Variants in ANO3 observed in about 807,000 individuals in gnomAD.
ANO3 encodes anoctamin 3.
A neutral mutation model predicts 144.8 loss-of-function variants in ANO3; 99 were observed. The ratio of observed to expected loss-of-function variants is 0.68; its 90% CI spans 0.58 to 0.81. The LOEUF is 0.81. Ranked by LOEUF, ANO3 falls within the 30% of genes least tolerant of loss-of-function variation. The pLI, the probability that ANO3 is intolerant of heterozygous loss-of-function variation, is 0.00. For synonymous variants in ANO3, 414 were observed against 392.6 expected (o/e 1.05, Z -0.64); for missense variants, 905 against 1,202.2 (o/e 0.75, Z 3.66).
chr11:26,267,312 T>C (rs78156044), intron 1 of ANO3, among the ~76,000 whole-genome samples: 2,980 of 152,212 alleles, frequency 0.02, 56 homozygotes, highest in East Asian at 0.12. Flanking sequence ...AGAGTGTTTG[T>C]GACGATTCCC....
At chr11:26,194,230 A>C (rs918988718) in intron 1 of ANO3, among the ~76,000 whole-genome samples, 2 of 152,170 alleles carry the variant, frequency 1.3e-5, no homozygotes, top group Non-Finnish European at 2.9e-5. Flanking sequence ...CCTATGTAGT[A>C]CAAACTGAGC....
intron 1 of ANO3, among the ~76,000 whole-genome samples, chr11:26,386,265 A>C (rs1393717649): frequency 6.6e-6 from 1 of 152,030 alleles, no homozygotes; most frequent in Non-Finnish European, 1.5e-5. Flanking sequence ...ATATCATATG[A>C]CTCCATATTT....
chr11:26,400,085 T>C (rs1857109971), intron 1 of ANO3, among the ~76,000 whole-genome samples: 1 of 151,892 alleles, frequency 6.6e-6, no homozygotes, highest in Admixed American at 6.6e-5. Context: ...AGTGTAATAA[T>C]TGTACAAAGC....
chr11:26,325,234 G>A (rs374374635), intron 1 of ANO3, among the ~76,000 whole-genome samples: 131 of 152,186 alleles, frequency 8.6e-4, no homozygotes, highest in African/African-American at 5.1e-4. Flanking sequence ...ACAAAGATGC[G>A]CAGGGTATTT....
At chr11:26,523,268 G>A (rs1215229258) in intron 6 of ANO3, among the ~76,000 whole-genome samples, 1 of 152,182 alleles carries the variant, frequency 6.6e-6, no homozygotes, top group Non-Finnish European at 1.5e-5. Flanking sequence ...AGATTTGGGT[G>A]GAAACACAAA....
chr11:26,243,038 T>A (rs2133812463), intron 1 of ANO3, among the ~76,000 whole-genome samples: 1 of 152,284 alleles, frequency 6.6e-6, no homozygotes, highest in Non-Finnish European at 1.5e-5. Flanking sequence ...ATTTCCTAGG[T>A]CTTGGTAAGG....
At chr11:26,422,847 A>G (rs1379515269) in intron 1 of ANO3, among the ~76,000 whole-genome samples, 3 of 152,012 alleles carry the variant, frequency 2.0e-5, no homozygotes, top group Non-Finnish European at 4.4e-5. Context: ...TTGATGAGAA[A>G]TGTTGAAAAG....
At chr11:26,292,257 C>T (rs1365984356) in intron 1 of ANO3, among the ~76,000 whole-genome samples, 1 of 152,134 alleles carries the variant, frequency 6.6e-6, no homozygotes, top group East Asian at 1.9e-4. Context: ...TTTTCAGCTC[C>T]ATCAGGTCAT....
chr11:26,228,484 T>C (rs960181815), intron 1 of ANO3, among the ~76,000 whole-genome samples: 1 of 152,202 alleles, frequency 6.6e-6, no homozygotes, highest in African/African-American at 2.4e-5. Flanking sequence ...CAAGATAAGT[T>C]TTATGGTATG....
intron 1 of ANO3, among the ~76,000 whole-genome samples, chr11:26,314,182 A>G (rs1590253699): frequency 6.6e-6 from 1 of 152,270 alleles, no homozygotes; most frequent in East Asian, 1.9e-4. Flanking sequence ...TCCGTCTTAT[A>G]AGACAGCTGA....
chr11:26,477,672 T>C (rs1384971324), intron 4 of ANO3, among the ~76,000 whole-genome samples: 1 of 152,090 alleles, frequency 6.6e-6, no homozygotes, highest in Non-Finnish European at 1.5e-5. Context: ...GGCTGACTCA[T>C]AACAGGAACT....
Position 26,315,686 on chromosome 11 carries a change from C to CTATCT in ANO3, c.-3+5967_-3+5968insTATCT, listed in dbSNP as rs1564961787. The stretch of plus-strand genomic sequence containing the variant: ...CTATCTATCTATCTATCTATCTATC[C>CTATCT]ATCTATCTATCTATCTATCTATCTA... On this transcript the variant is annotated intron_variant, in intron 1 of 26. Transcript: ENST00000525139. Among the ~76,000 whole-genome samples the CTATCT allele has an allele frequency of 4.3e-3, 469 of 108,332 alleles. 3 individuals are homozygous for CTATCT. The highest frequency in any genetic ancestry group is 0.013 in the African/African-American group (437 of 34,836). The allele number at this position is 108,332 out of a possible 152,430, so 71.1% of individuals were successfully genotyped here. A position where few individuals can be genotyped will look rare whatever the true frequency, so the allele number is the denominator to read the frequency against.
chr11:26,298,847 T>C (rs535630246), intron 1 of ANO3, among the ~76,000 whole-genome samples: 1 of 152,254 alleles, frequency 6.6e-6, no homozygotes, highest in East Asian at 1.9e-4. Context: ...GGCCCCAAGC[T>C]TTTCTCCATC....
chr11:26,656,408 C>T lies in ANO3; in HGVS notation c.2690C>T (p.Ser897Phe), dbSNP rs1332229932. The T allele has an allele frequency of 6.2e-7, 1 of 1,611,060 alleles. No individual in the cohort carries two copies. The highest frequency in any genetic ancestry group is 1.6e-4 in the Middle Eastern group (1 of 6,074). ...YRDYRGPPWSSKPYEFTLQYW... is the reference protein window; with the variant it reads ...YRDYRGPPWSFKPYEFTLQYW... ...GACTACAGAGGCCCGCCCTGGAGTT[C>T]CAAACCCTATGAGTTTACTTTACAA... The change falls in exon 26 of 27, where the codon TCC becomes TTC. Residue 897 changes from serine to phenylalanine, a missense_variant. Physicochemically the swap from Ser to Phe is radical, Grantham distance 155. This residue lies in a region of ANO3 where 597 missense variants were observed against 865.1 expected (regional missense o/e 0.69). Transcript: ENST00000256737.
chr11:26,393,393 C>T (rs1856930136), intron 1 of ANO3, among the ~76,000 whole-genome samples: 1 of 152,016 alleles, frequency 6.6e-6, no homozygotes, highest in Non-Finnish European at 1.5e-5. Context: ...AACACTGCAG[C>T]ATGCCCTCTA....
chr11:26,592,932 C>G (rs1851494429), intron 14 of ANO3, among the ~76,000 whole-genome samples: 1 of 151,996 alleles, frequency 6.6e-6, no homozygotes, highest in African/African-American at 2.4e-5. Context: ...GCTTGGTTTC[C>G]CGGAGGGGAT....
intron 1 of ANO3, among the ~76,000 whole-genome samples, chr11:26,259,023 A>G (rs1853121999): frequency 6.6e-6 from 1 of 152,224 alleles, no homozygotes; most frequent in Non-Finnish European, 1.5e-5. Context: ...GCTGACTAAA[A>G]TTAAACAATG....
At chr11:26,235,659 T>C (rs1852505232) in intron 1 of ANO3, among the ~76,000 whole-genome samples, 1 of 151,942 alleles carries the variant, frequency 6.6e-6, no homozygotes, top group Non-Finnish European at 1.5e-5. Context: ...GTTTCTTACA[T>C]TAATTATATA....
chr11:26,628,723 T>C (rs1852673060), intron 18 of ANO3, among the ~76,000 whole-genome samples: 1 of 152,228 alleles, frequency 6.6e-6, no homozygotes, highest in Admixed American at 6.5e-5. Flanking sequence ...TTATTATTTT[T>C]AATGATCCTG....
Sources: allele counts gnomAD v4.1 joint callset (sites outside exome capture counted in the v4.1 genomes callset), GRCh38; gene constraint gnomAD v4.1.1; regional missense constraint gnomAD v4.1.1; transcripts MANE v1.5; gene names NCBI Gene and HGNC (gene_info 2026-07-23, HGNC 2026-07-21).